UBAC2: variants seen among roughly 807,000 people sequenced by gnomAD.
The protein encoded by UBAC2 is UBA domain containing 2.
UBAC2 carries 26 observed loss-of-function variants against 44.0 expected under a neutral mutation model. That is an observed-to-expected ratio of 0.59 (90% CI 0.43 to 0.82). The LOEUF is 0.82. UBAC2 is among the 40% of genes least tolerant of loss of function. UBAC2 has a pLI of 0.00. For missense variants in UBAC2, 329 were observed against 419.4 expected (o/e 0.78, Z 1.88); for synonymous variants, 155 against 154.3 (o/e 1.00, Z -0.04).
At chr13:99,215,749 C>T (rs1011053136) in intron 1 of UBAC2, 21 of 1,388,606 alleles carry the variant, frequency 1.5e-5, no homozygotes, top group Middle Eastern at 3.8e-4. Flanking sequence ...CCAGCCTTAC[C>T]GTCAGCCATT....
At chr13:99,380,174 C>T (rs1435437023) in intron 8 of UBAC2, among the ~76,000 whole-genome samples, 1 of 152,208 alleles carries the variant, frequency 6.6e-6, no homozygotes, top group Non-Finnish European at 1.5e-5. Flanking sequence ...TGTTGGTACT[C>T]AAAAAGTTTC....
chr13:99,382,835 C>T (rs2045568491), intron 8 of UBAC2, among the ~76,000 whole-genome samples: 2 of 152,134 alleles, frequency 1.3e-5, no homozygotes, highest in South Asian at 4.1e-4. Context: ...GAGGAGTCAT[C>T]AGGCTCAGGG....
rs183939620 is a variant in UBAC2 at position 99,372,966 on chromosome 13, A to T, written c.927+5060A>T. ...TGTCCCTACTAAAAAATAAAAAAAT[A>T]AAAATTAGCCGGGCATGGTGACGGG... On this transcript the variant is annotated intron_variant, in intron 8 of 8. Coordinates refer to ENST00000403766, the MANE Select transcript of UBAC2 (RefSeq NM_001144072.2). Among the ~76,000 whole-genome samples, 74 of 152,070 alleles carry T rather than the reference A, an allele frequency of 4.9e-4. 1 individual carries two copies. Among genetic ancestry groups the T allele is most frequent in the Admixed American group, 4.8e-3 (73 of 15,284 alleles).
At chr13:99,204,267 T>C (rs2042841189) in intron 1 of UBAC2, among the ~76,000 whole-genome samples, 1 of 152,174 alleles carries the variant, frequency 6.6e-6, no homozygotes, top group South Asian at 2.1e-4. Context: ...GGTAGGCTGG[T>C]TGTGGGGAGG....
In UBAC2 at chr13:99,385,400, G is replaced by T; in HGVS notation, c.*65G>T. On this transcript the variant is annotated 3_prime_UTR_variant, in exon 9 of 9. Transcript: ENST00000403766. Reference sequence around the variant, plus strand: ...TGACAGTGCGTGGTCCCCACCATCAGATCAGCCCGGGGACCGAGCATCTCT... The same window carrying T: ...TGACAGTGCGTGGTCCCCACCATCATATCAGCCCGGGGACCGAGCATCTCT... 7.5e-7 allele frequency: 1 copy of T among 1,331,236 alleles called. No individual in the cohort carries two copies. Among genetic ancestry groups the T allele is most frequent in the Non-Finnish European group, 1.1e-6 (1 of 929,922 alleles). The allele number at this position is 1,331,236 out of a possible 1,614,324, so 82.5% of individuals were successfully genotyped here.
chr13:99,344,982 CA>C (rs1276742661), intron 7 of UBAC2, among the ~76,000 whole-genome samples: 2 of 152,180 alleles, frequency 1.3e-5, no homozygotes, highest in Non-Finnish European at 2.9e-5. Flanking sequence ...AGCACCCATG[CA>C]GTGAAAATCT....
At chr13:99,230,084 G>A (rs1045075539) in intron 1 of UBAC2, among the ~76,000 whole-genome samples, 2 of 152,178 alleles carry the variant, frequency 1.3e-5, no homozygotes, top group Non-Finnish European at 2.9e-5. Flanking sequence ...ATTTTTGCCA[G>A]CATCACTTCC....
intron 1 of UBAC2, chr13:99,201,408 T>TTGGATG (rs2042796739): frequency 1.2e-6 from 2 of 1,610,730 alleles, no homozygotes; most frequent in East Asian, 4.5e-5. Flanking sequence ...TCAGTTTCAC[T>TTGGATG]TGGATGTGTT....
chr13:99,211,562 T>A (rs2042937219), intron 1 of UBAC2, among the ~76,000 whole-genome samples: 1 of 152,234 alleles, frequency 6.6e-6, no homozygotes, highest in Non-Finnish European at 1.5e-5. Context: ...AGTTTACCTA[T>A]ATTGACTCAC....
intron 7 of UBAC2, among the ~76,000 whole-genome samples, chr13:99,367,081 C>T (rs920586629): frequency 5.9e-5 from 9 of 152,016 alleles, no homozygotes; most frequent in Admixed American, 2.6e-4. Flanking sequence ...ATTTTTCTTC[C>T]CATGGTGGCT....
In UBAC2 at chr13:99,342,015, T is replaced by C. The variant is rs1200547107; in HGVS notation, c.807+1450T>C. ...GGGAGGAGATTCTCCATTGGAGAGC[T>C]TTGAATTTGTCCTCATAAGCAAACC... On this transcript the variant is annotated intron_variant, in intron 7 of 8. Transcript: ENST00000403766. Among the ~76,000 whole-genome samples, 9 of 152,344 alleles carry C rather than the reference T, an allele frequency of 5.9e-5. No homozygotes were observed. The East Asian group carries it at 1.5e-3, about 26-fold the overall frequency.
intron 4 of UBAC2, among the ~76,000 whole-genome samples, chr13:99,264,972 T>TG (rs1234623143): frequency 6.6e-6 from 1 of 151,880 alleles, no homozygotes; most frequent in Admixed American, 6.6e-5. Context: ...TCGCTGTTTT[T>TG]TTTTTTTTTT....
In UBAC2 at chr13:99,259,489, G is replaced by C. The variant is rs551599475; in HGVS notation, c.389+14865G>C. On this transcript the variant is annotated intron_variant, in intron 4 of 8. Coordinates refer to ENST00000403766, the MANE Select transcript of UBAC2 (RefSeq NM_001144072.2). Reference sequence around the variant, plus strand: ...TTTAGAAGTGTTGGAGACAACCATAGCAACTATTTCTTGTGTGGATGAAGA... The same window carrying C: ...TTTAGAAGTGTTGGAGACAACCATACCAACTATTTCTTGTGTGGATGAAGA... Among the ~76,000 whole-genome samples, 74 of 152,190 alleles carry C rather than the reference G, an allele frequency of 4.9e-4. 1 individual carries two copies. The South Asian group carries it at 0.012, about 24-fold the overall frequency.
At position 99,338,717 on chromosome 13, in the gene UBAC2, A is replaced by T. The variant is rs368971706; in HGVS notation, c.562-1603A>T. The stretch of plus-strand genomic sequence containing the variant: ...CACCATTCACTCTTCAGCCTACTAC[A>T]GTCTGTCTTTGGTACCAAAACTGTT... On this transcript the variant is annotated intron_variant, in intron 6 of 8. Transcript: ENST00000403766. Among the ~76,000 whole-genome samples the T allele has an allele frequency of 2.0e-4, 31 of 152,310 alleles. 1 individual carries two copies. The East Asian group carries it at 3.5e-3, about 17-fold the overall frequency.
chr13:99,231,087 G>A (rs558716257), intron 1 of UBAC2, among the ~76,000 whole-genome samples: 1 of 152,232 alleles, frequency 6.6e-6, no homozygotes, highest in South Asian at 2.1e-4. Flanking sequence ...GAATCCAGCT[G>A]GATATCTTAG....
intron 7 of UBAC2, among the ~76,000 whole-genome samples, chr13:99,367,473 C>T (rs538128801): frequency 2.0e-5 from 3 of 152,180 alleles, no homozygotes; most frequent in Non-Finnish European, 2.9e-5. Context: ...CAGTCAGTGG[C>T]GTCACAGTCG....
At position 99,319,168 on chromosome 13, in the gene UBAC2, T is replaced by G. The variant is rs567889688; in HGVS notation, c.561+1099T>G. 2.6e-5 allele frequency among the ~76,000 whole-genome samples: 4 copies of G among 152,326 alleles called. No individual in the cohort carries two copies. The South Asian group carries it at 8.3e-4, about 32-fold the overall frequency. ...TTTTTTCATCTTGTCTATGCTATTG[T>G]ATTTTAATAATAAGCGTTTGTCCTA... On this transcript the variant is annotated intron_variant, in intron 6 of 8. Coordinates refer to ENST00000403766, the MANE Select transcript of UBAC2 (RefSeq NM_001144072.2).
chr13:99,265,927 A>G (rs2043738025), intron 4 of UBAC2, among the ~76,000 whole-genome samples: 2 of 152,204 alleles, frequency 1.3e-5, no homozygotes, highest in South Asian at 2.1e-4. Flanking sequence ...GTTGCAATTT[A>G]TTGAATGTAG....
chr13:99,255,301 C>T (rs377064623), intron 4 of UBAC2: 17 of 1,613,862 alleles, frequency 1.1e-5, no homozygotes, highest in Middle Eastern at 1.6e-4. Flanking sequence ...AAATGTCAGT[C>T]GAGTGAGGTT....
Sources: gnomAD v4.1 joint callset for allele counts (sites outside exome capture counted in the v4.1 genomes callset) on GRCh38, gnomAD v4.1.1 for gene constraint, MANE v1.5 for transcripts, NCBI Gene and HGNC (gene_info 2026-07-23, HGNC 2026-07-21) for gene names.